Variants in PTPRD observed in about 807,000 individuals in gnomAD.
PTPRD encodes the protein receptor-type tyrosine-protein phosphatase delta.
A neutral mutation model predicts 214.5 loss-of-function variants in PTPRD; 34 were observed. The observed-to-expected ratio is 0.16, with a 90% CI of 0.12 to 0.21. The LOEUF is 0.21. PTPRD is among the 10% of genes least tolerant of loss of function. The pLI is 1.00. For missense variants in PTPRD, 2,545 were observed against 2,398.7 expected (o/e 1.06, Z -1.27); for synonymous variants, 1,128 against 845.7 (o/e 1.33, Z -5.79).
At chr9:9,041,678 T>A (rs1018964976) in intron 10 of PTPRD, among the ~76,000 whole-genome samples, 14 of 152,160 alleles carry the variant, frequency 9.2e-5, no homozygotes, top group Non-Finnish European at 1.9e-4. Flanking sequence ...AATTAGGAAT[T>A]ATTTGGAAAA....
chr9:9,990,214 G>C (rs1448377584), intron 4 of PTPRD, among the ~76,000 whole-genome samples: 1 of 152,152 alleles, frequency 6.6e-6, no homozygotes, highest in Admixed American at 6.5e-5. Flanking sequence ...GAAGGTGTTG[G>C]CCAAGGTCCT....
intron 8 of PTPRD, among the ~76,000 whole-genome samples, chr9:9,407,556 C>T (rs573969549): frequency 6.6e-6 from 1 of 151,680 alleles, no homozygotes; most frequent in Non-Finnish European, 1.5e-5. Flanking sequence ...TTTCCACAAT[C>T]AACACAAAAT....
intron 3 of PTPRD, among the ~76,000 whole-genome samples, chr9:10,116,576 T>C (rs1292683677): frequency 6.6e-6 from 1 of 152,180 alleles, no homozygotes; most frequent in Non-Finnish European, 1.5e-5. Flanking sequence ...ATTTGTGATA[T>C]AGATTACTTT....
At chr9:9,707,557 T>G (rs1487724534) in intron 7 of PTPRD, among the ~76,000 whole-genome samples, 3 of 152,140 alleles carry the variant, frequency 2.0e-5, no homozygotes, top group Non-Finnish European at 4.4e-5. Flanking sequence ...TATTGTTTAA[T>G]TTTACATTAT....
chr9:8,773,308 C>G (rs923723563), intron 11 of PTPRD, among the ~76,000 whole-genome samples: 7 of 152,188 alleles, frequency 4.6e-5, no homozygotes, highest in Non-Finnish European at 8.8e-5. Context: ...CAGACTCCAG[C>G]TGCCTTAGCC....
chr9:8,683,355 C>G (rs1369306700), intron 12 of PTPRD, among the ~76,000 whole-genome samples: 1 of 150,952 alleles, frequency 6.6e-6, no homozygotes, highest in Admixed American at 6.6e-5. Context: ...CTTGGATAAG[C>G]CTCTCTCTTT....
chr9:9,046,414 C>T (rs2154387374), intron 10 of PTPRD, among the ~76,000 whole-genome samples: 1 of 152,236 alleles, frequency 6.6e-6, no homozygotes, highest in South Asian at 2.1e-4. Flanking sequence ...AAATTGGTAG[C>T]TGTTATCGTG....
At chr9:9,561,874 A>C (rs1163534299) in intron 8 of PTPRD, among the ~76,000 whole-genome samples, 1 of 152,168 alleles carries the variant, frequency 6.6e-6, no homozygotes, top group Non-Finnish European at 1.5e-5. Flanking sequence ...CCCATGGCTC[A>C]GACTTAGACA....
chr9:9,196,219 A>G (rs548409118), intron 9 of PTPRD, among the ~76,000 whole-genome samples: 1 of 152,308 alleles, frequency 6.6e-6, no homozygotes, highest in South Asian at 2.1e-4. Context: ...ACTATTACCA[A>G]TATCTTAAGG....
intron 10 of PTPRD, among the ~76,000 whole-genome samples, chr9:9,129,193 C>A (rs1303161173): frequency 6.6e-6 from 1 of 152,116 alleles, no homozygotes; most frequent in East Asian, 1.9e-4. Context: ...AGTTTGAGAC[C>A]CACCTGGCCA....
chr9:9,983,654 ACT>A (rs1488690107), intron 4 of PTPRD, among the ~76,000 whole-genome samples: 1 of 152,148 alleles, frequency 6.6e-6, no homozygotes, highest in Non-Finnish European at 1.5e-5. Context: ...TGACACTTAC[ACT>A]CTCTCTACTT....
At chr9:8,632,607 A>G (rs2096287335) in intron 14 of PTPRD, among the ~76,000 whole-genome samples, 1 of 151,918 alleles carries the variant, frequency 6.6e-6, no homozygotes, top group African/African-American at 2.4e-5. Context: ...TGAATTAGAG[A>G]CATACAACAC....
In PTPRD at chr9:9,775,443, T is replaced by C. The variant is rs562302800; in HGVS notation, c.-367-8592A>G. The stretch of plus-strand genomic sequence containing the variant: ...CTGTTTGACCTCATTTCCCTCATCA[T>C]AGAATAAAATAATTAGAATTACAAT... On this transcript the variant is annotated intron_variant, in intron 5 of 45. Transcript: ENST00000381196. Among the ~76,000 whole-genome samples the C allele has an allele frequency of 3.9e-5, 6 of 152,304 alleles. No individual in the cohort carries two copies. The South Asian group carries it at 8.3e-4, about 21-fold the overall frequency.
chr9:10,265,997 CTT>C (rs2094027056), intron 3 of PTPRD, among the ~76,000 whole-genome samples: 1 of 152,062 alleles, frequency 6.6e-6, no homozygotes, highest in Non-Finnish European at 1.5e-5. Context: ...TCATGTAAAA[CTT>C]TGAATATATT....
intron 14 of PTPRD, among the ~76,000 whole-genome samples, chr9:8,530,315 T>C (rs767280760): frequency 1.4e-4 from 22 of 152,046 alleles, no homozygotes; most frequent in Non-Finnish European, 2.9e-4. Flanking sequence ...GGATCAACTC[T>C]CTCATAGGAA....
chr9:10,125,622 T>TGTGTG (rs2098812530), intron 3 of PTPRD, among the ~76,000 whole-genome samples: 3 of 139,296 alleles, frequency 2.2e-5, no homozygotes, highest in Non-Finnish European at 4.7e-5. Flanking sequence ...GCTCGGCTAA[T>TGTGTG]TGTGTGTGTG....
chr9:9,159,931 G>T (rs1438616598), intron 10 of PTPRD, among the ~76,000 whole-genome samples: 1 of 152,266 alleles, frequency 6.6e-6, no homozygotes, highest in Non-Finnish European at 1.5e-5. Flanking sequence ...TTTGACAAAG[G>T]TGCCAAGAAC....
At chr9:10,453,475 A>C (rs1399022855) in intron 2 of PTPRD, among the ~76,000 whole-genome samples, 1 of 151,588 alleles carries the variant, frequency 6.6e-6, no homozygotes, top group African/African-American at 2.4e-5. Context: ...TGTATTCTTC[A>C]ATATCTTCCC....
intron 3 of PTPRD, among the ~76,000 whole-genome samples, chr9:10,053,537 T>C (rs1589815057): frequency 6.6e-6 from 1 of 152,142 alleles, no homozygotes; most frequent in African/African-American, 2.4e-5. Context: ...CATATATTCC[T>C]ATACCTACTA....
Sources: gnomAD v4.1 joint callset for allele counts (sites outside exome capture counted in the v4.1 genomes callset) on GRCh38, gnomAD v4.1.1 for gene constraint, MANE v1.5 for transcripts, NCBI Gene and HGNC (gene_info 2026-07-23, HGNC 2026-07-21) for gene names.